Variants in TULP4 observed in about 807,000 individuals in gnomAD.
TULP4 encodes TUB like protein 4, also known as tubby-related protein 4.
In TULP4, 16 loss-of-function variants were observed where a neutral mutation model predicts 129.0. The ratio of observed to expected loss-of-function variants is 0.12; its 90% CI spans 0.08 to 0.19. TULP4 has a LOEUF of 0.19. Among genes scored for constraint, TULP4 ranks in the 10% least tolerant of loss-of-function variants. TULP4 has a pLI of 1.00. For synonymous variants in TULP4, 998 were observed against 854.0 expected (o/e 1.17, Z -2.94); for missense variants, 1,842 against 2,059.1 (o/e 0.89, Z 2.04).
intron 1 of TULP4, among the ~76,000 whole-genome samples, chr6:158,357,216 G>A (rs1780670036): frequency 1.3e-5 from 2 of 152,188 alleles, no homozygotes; most frequent in Non-Finnish European, 2.9e-5. Flanking sequence ...GACTCTTCGA[G>A]TCAAGGTTTT....
chr6:158,410,506 G>A (rs1295015484), intron 1 of TULP4, among the ~76,000 whole-genome samples: 1 of 152,188 alleles, frequency 6.6e-6, no homozygotes, highest in Non-Finnish European at 1.5e-5. Context: ...AAACTGATCA[G>A]TCATGAACAT....
chr6:158,261,013 G>A (rs1562497988), intron 1 of TULP4, among the ~76,000 whole-genome samples: 1 of 151,734 alleles, frequency 6.6e-6, no homozygotes, highest in African/African-American at 2.4e-5. Context: ...GTAGAGATGG[G>A]GTTTCACCAT....
chr6:158,351,707 C>CTTTTTTTTT lies in TULP4; in HGVS notation c.252+37460_252+37468dup, dbSNP rs1160814801. ...AGTAGCATCTTTTTGTGTTGTTAAA[C>CTTTTTTTTT]TTTTTTTTTTTTTTTTTTTTTTTTT... On this transcript the variant is annotated intron_variant, in intron 1 of 13. Coordinates refer to ENST00000367097, the MANE Select transcript of TULP4 (RefSeq NM_020245.5). Among the ~76,000 whole-genome samples the CTTTTTTTTT allele has an allele frequency of 4.6e-4, 23 of 50,520 alleles. 3 individuals carry two copies. Among genetic ancestry groups the CTTTTTTTTT allele is most frequent in the African/African-American group, 1.6e-3 (20 of 12,262 alleles). The allele number at this position is 50,520 out of a possible 152,430, so 33.1% of individuals were successfully genotyped here. A position where few individuals can be genotyped will look rare whatever the true frequency, so the allele number is the denominator to read the frequency against.
chr6:158,503,440 C>T lies in TULP4; in HGVS notation c.3777C>T (p.Ala1259=). The T allele has an allele frequency of 6.2e-7, 1 of 1,614,064 alleles. No homozygotes were observed. Among genetic ancestry groups the T allele is most frequent in the South Asian group, 1.1e-5 (1 of 91,088 alleles). The change falls in exon 13 of 14, where the codon GCC becomes GCT. Residue 1259 remains alanine (A), a synonymous_variant. Coordinates refer to ENST00000367097, the MANE Select transcript of TULP4 (RefSeq NM_020245.5). This position sits in a 1 kb window ranked among gnomAD's most constrained non-coding sequence, Gnocchi z 4.3. ...TCSSLQLPPV[A]LHPWSSYSAC... is the part of the protein sequence containing the mutation. The stretch of plus-strand genomic sequence containing the variant: ...CTAGTTTACAGCTGCCACCTGTCGC[C>T]TTGCATCCATGGAGTTCCTACAGCG...
chr6:158,489,364 C>T (rs992478874), intron 8 of TULP4, among the ~76,000 whole-genome samples: 3 of 152,186 alleles, frequency 2.0e-5, no homozygotes, highest in African/African-American at 7.2e-5. Context: ...TTCCTAGAAA[C>T]ATTAAAATAC....
chr6:158,504,269 G>A lies in TULP4; in HGVS notation c.4515+91G>A, dbSNP rs377437003. The stretch of plus-strand genomic sequence containing the variant: ...AGGAGCATTTTTCAAAAGGCCAAAT[G>A]GGAAATGTGGAAAACAACGAACACC... On this transcript the variant is annotated intron_variant, in intron 13 of 13. Coordinates refer to ENST00000367097, the MANE Select transcript of TULP4 (RefSeq NM_020245.5). 5 of 1,075,884 alleles carry A rather than the reference G, an allele frequency of 4.6e-6. No homozygotes were observed. In the East Asian group the frequency reaches 7.8e-5, roughly 17 times the overall value. 66.6% of individuals were successfully genotyped at this position (1,075,884 alleles called of 1,614,324 possible). A position where few individuals can be genotyped will look rare whatever the true frequency, so the allele number is the denominator to read the frequency against.
chr6:158,243,218 G>T (rs569055072), intron 1 of TULP4, among the ~76,000 whole-genome samples: 1 of 152,148 alleles, frequency 6.6e-6, no homozygotes, highest in Admixed American at 6.5e-5. Flanking sequence ...CCTCCACTTG[G>T]ATTATTTTAA....
intron 1 of TULP4, among the ~76,000 whole-genome samples, chr6:158,385,840 A>ATATTTTTTTTTTTTT (rs1397821107): frequency 2.9e-5 from 1 of 34,026 alleles, no homozygotes; most frequent in Non-Finnish European, 6.7e-5. Flanking sequence ...AATGTGGAAT[A>ATATTTTTTTTTTTTT]TCTTTTTTTT....
chr6:158,448,470 C>G (rs993571779), intron 3 of TULP4, among the ~76,000 whole-genome samples: 4 of 152,156 alleles, frequency 2.6e-5, no homozygotes, highest in Non-Finnish European at 5.9e-5. Context: ...TGAAGTAAAA[C>G]ATTCAACATT....
chr6:158,256,733 G>A (rs957455902), intron 1 of TULP4, among the ~76,000 whole-genome samples: 1 of 152,200 alleles, frequency 6.6e-6, no homozygotes, highest in Non-Finnish European at 1.5e-5. Flanking sequence ...AAAAGCTACA[G>A]TATTCTTGTA....
In TULP4 at chr6:158,463,115, C is replaced by T. The variant is rs537141450; in HGVS notation, c.1026+1386C>T. Among the ~76,000 whole-genome samples the T allele has an allele frequency of 2.0e-5, 3 of 152,252 alleles. No homozygotes were observed. In the South Asian group the frequency reaches 6.2e-4, roughly 32 times the overall value. ...AATAACCATCTCGAAATTATCCTTA[C>T]GCCAAAGAGGCAGATCTGTGGTGGC... is the stretch of plus-strand genomic sequence containing the variant. On this transcript the variant is annotated intron_variant, in intron 6 of 13. Coordinates refer to ENST00000367097, the MANE Select transcript of TULP4 (RefSeq NM_020245.5).
chr6:158,503,543 C>T lies in TULP4; in HGVS notation c.3880C>T (p.Pro1294Ser), dbSNP rs370879755. The change falls in exon 13 of 14, where the codon CCA becomes TCA. Residue 1294 changes from proline to serine, a missense_variant. Transcript: ENST00000367097. The surrounding 1 kb of genome is among the most constrained non-coding windows in gnomAD (Gnocchi z 4.3). ...HLVVEKPLVS[P>S]PPADLQSHLG... is the part of the protein sequence containing the mutation. The stretch of plus-strand genomic sequence containing the variant: ...GGTGGTGGAGAAGCCCCTTGTGTCC[C>T]CACCACCTGCCGACCTCCAAAGCCA... The T allele has an allele frequency of 6.2e-6, 10 of 1,614,008 alleles. No individual in the cohort carries two copies. Among genetic ancestry groups the T allele is most frequent in the Admixed American group, 5.0e-5 (3 of 60,014 alleles).
At chr6:158,495,775 G>A (rs1302610870) in intron 11 of TULP4, among the ~76,000 whole-genome samples, 1 of 151,978 alleles carries the variant, frequency 6.6e-6, no homozygotes, top group Non-Finnish European at 1.5e-5. Flanking sequence ...AGGGGGCGGA[G>A]GTTGCTGTGA....
intron 1 of TULP4, among the ~76,000 whole-genome samples, chr6:158,376,247 C>T (rs991262505): frequency 1.3e-5 from 2 of 152,206 alleles, no homozygotes; most frequent in African/African-American, 4.8e-5. Context: ...AACTTGGGAG[C>T]ATCCTACTGG....
chr6:158,372,541 G>T (rs1777096868), intron 1 of TULP4, among the ~76,000 whole-genome samples: 1 of 152,140 alleles, frequency 6.6e-6, no homozygotes, highest in African/African-American at 2.4e-5. Context: ...TCTATTTTAA[G>T]AATTTGAGTA....
intron 1 of TULP4, among the ~76,000 whole-genome samples, chr6:158,255,357 G>C (rs150372746): frequency 2.9e-4 from 44 of 152,268 alleles, no homozygotes; most frequent in African/African-American, 1.0e-3. Context: ...CTTGTCTCCT[G>C]TGTGACTCTG....
chr6:158,345,876 T>C (rs1026233076), intron 1 of TULP4, among the ~76,000 whole-genome samples: 17 of 152,156 alleles, frequency 1.1e-4, no homozygotes, highest in Admixed American at 8.5e-4. Context: ...TTTCAGTCCT[T>C]ATGTCAACCG....
At chr6:158,311,203 C>T (rs988274972), upstream of TULP4, among the ~76,000 whole-genome samples, 21 of 152,172 alleles carry the variant, frequency 1.4e-4, no homozygotes, top group Admixed American at 1.1e-3. Context: ...ATTAGCATCT[C>T]TTGGGAGCTT....
At chr6:158,288,054 C>T (rs1254093045) in intron 1 of TULP4, among the ~76,000 whole-genome samples, 1 of 152,172 alleles carries the variant, frequency 6.6e-6, no homozygotes, top group African/African-American at 2.4e-5. Context: ...TGAATTCTGG[C>T]TTCAGCACTT....
Sources: allele counts gnomAD v4.1 joint callset (sites outside exome capture counted in the v4.1 genomes callset), GRCh38; gene constraint gnomAD v4.1.1; non-coding constraint Gnocchi (gnomAD v3.1); transcripts MANE v1.5; gene names NCBI Gene and HGNC (gene_info 2026-07-23, HGNC 2026-07-21).